Variants in ACSL3 observed in about 807,000 individuals in gnomAD.
The protein encoded by ACSL3 is acyl-CoA synthetase long chain family member 3.
A neutral mutation model predicts 84.7 loss-of-function variants in ACSL3; 34 were observed. The ratio of observed to expected loss-of-function variants is 0.40; its 90% CI spans 0.31 to 0.53. The LOEUF is 0.53. Ranked by LOEUF, ACSL3 falls within the 20% of genes least tolerant of loss-of-function variation. The probability of loss-of-function intolerance (pLI) is 0.48; values close to 1 mark genes in which losing one functional copy is unlikely to be tolerated. For missense variants in ACSL3, 680 were observed against 873.1 expected (o/e 0.78, Z 2.79); for synonymous variants, 315 against 299.4 (o/e 1.05, Z -0.54).
intron 16 of ACSL3, 118 bp from the exon 17 acceptor site, chr2:222,941,379 A>G (rs763357295): frequency 5.4e-5 from 40 of 738,722 alleles, no homozygotes; most frequent in Non-Finnish European, 7.9e-5. Context: ...TAGAAGTGAC[A>G]TTCATGGTTC....
intron 3 of ACSL3, among the ~76,000 whole-genome samples, chr2:222,906,078 G>A (rs1345360044): frequency 3.3e-5 from 5 of 152,126 alleles, no homozygotes; most frequent in Admixed American, 3.3e-4. Flanking sequence ...ATTTTAGATA[G>A]TATTTTGTAG....
rs1474146877 is a variant in ACSL3 at position 222,944,173 on chromosome 2, A to T, written c.*2519A>T. On this transcript the variant is annotated 3_prime_UTR_variant, in exon 17 of 17. Coordinates refer to ENST00000357430, the MANE Select transcript of ACSL3 (RefSeq NM_004457.5). ...CTTTCTAAATACTACTTTGCTTTTC[A>T]GTAGTGGATTTGATATTTATAATGT... The T allele has an allele frequency of 6.6e-6, 1 of 152,092 alleles. No individual in the cohort carries two copies. The highest frequency in any genetic ancestry group is 1.5e-5 in the Non-Finnish European group (1 of 67,966). The allele number at this position is 152,092 out of a possible 1,614,324, so 9.4% of individuals were successfully genotyped here.
chr2:222,908,923 A>G lies in ACSL3; in HGVS notation c.151A>G (p.Lys51Glu). 6.2e-7 allele frequency: 1 copy of G among 1,613,100 alleles called. No individual in the cohort carries two copies. Among genetic ancestry groups the G allele is most frequent in the Non-Finnish European group, 8.5e-7 (1 of 1,179,636 alleles). ...FYFFSESRQE[K>E]SNRIKAKPVN... The stretch of plus-strand genomic sequence containing the variant: ...TTTTTTCTCCGAGTCAAGACAAGAA[A>G]AATCAAACCGAATTAAAGCAAAGCC... Residue 51 changes from lysine to glutamate, a missense_variant, in exon 4 of 17, where the codon AAA (lysine) becomes GAA (glutamate). Physicochemically the swap from Lys to Glu is moderately conservative, Grantham distance 56. Around this residue, in one of 2 missense-constraint regions of ACSL3, gnomAD observed 333 missense variants for 347.5 expected, o/e 0.96. Coordinates refer to ENST00000357430, the MANE Select transcript of ACSL3 (RefSeq NM_004457.5).
rs774357924 is a variant in ACSL3, at chr2:222,927,091, C to A, written c.1367C>A (p.Ser456Tyr). The A allele has an allele frequency of 6.2e-7, 1 of 1,614,162 alleles. No individual in the cohort carries two copies. Among genetic ancestry groups the A allele is most frequent in the Non-Finnish European group, 8.5e-7 (1 of 1,180,022 alleles). The change falls in exon 12 of 17, where the codon TCT (serine) becomes TAT (tyrosine). Residue 456 changes from serine to tyrosine, a missense_variant. Around this residue, in one of 2 missense-constraint regions of ACSL3, gnomAD observed 347 missense variants for 525.7 expected, o/e 0.66. Coordinates refer to ENST00000357430, the MANE Select transcript of ACSL3 (RefSeq NM_004457.5). Reference sequence around the variant, plus strand: ...CTGTTGTGTGGTGGCGCTCCACTTTCTGCAACCACGCAGCGATTCATGAAC... The same window carrying A: ...CTGTTGTGTGGTGGCGCTCCACTTTATGCAACCACGCAGCGATTCATGAAC... Reference protein sequence around the residue: ...RLLLCGGAPLSATTQRFMNIC... With the variant: ...RLLLCGGAPLYATTQRFMNIC...
rs1696898559 is a variant in ACSL3, at chr2:222,927,036, C to T, written c.1312C>T (p.Arg438Ter). ...LCDSFVFRKV[R>*]SLLGGNIRLL... ...CTTTAGCTTTGTTTTCCGGAAAGTTCGAAGCTTGCTAGGGGGAAATATTCG... is the reference window on the plus strand; with the variant it reads ...CTTTAGCTTTGTTTTCCGGAAAGTTTGAAGCTTGCTAGGGGGAAATATTCG... Residue 438 changes from arginine (R) to a stop codon, truncating the protein, a stop_gained, in exon 12 of 17, where the codon CGA (arginine) becomes TGA (stop). Coordinates refer to ENST00000357430, the MANE Select transcript of ACSL3 (RefSeq NM_004457.5). LOFTEE classifies it high-confidence loss of function. The T allele has an allele frequency of 1.2e-6, 2 of 1,612,538 alleles. No individual in the cohort carries two copies. The highest frequency in any genetic ancestry group is 1.1e-5 in the South Asian group (1 of 90,936).
At chr2:222,903,814 C>T (rs144788569) in intron 3 of ACSL3, among the ~76,000 whole-genome samples, 1 of 152,256 alleles carries the variant, frequency 6.6e-6, no homozygotes, top group East Asian at 1.9e-4. Flanking sequence ...GCCAGCAGGG[C>T]TGCCCTCTAC....
rs778554898 is a variant in ACSL3, at chr2:222,922,775, T to A, written c.1024T>A (p.Cys342Ser). 6.2e-7 allele frequency: 1 copy of A among 1,614,232 alleles called. No individual in the cohort carries two copies. The highest frequency in any genetic ancestry group is 1.1e-5 in the South Asian group (1 of 91,088). The change falls in exon 9 of 17, where the codon TGT becomes AGT. Residue 342 changes from cysteine (C) to serine (S), a missense_variant. Cys to Ser is a moderately radical substitution (Grantham distance 112, BLOSUM62 -1). Coordinates refer to ENST00000357430, the MANE Select transcript of ACSL3 (RefSeq NM_004457.5). Reference sequence around the variant, plus strand: ...TCTAGAATTAAGTGCTGAGCTTGTCTGTCTTTCTCACGGATGCCGCATTGG... The same window carrying A: ...TCTAGAATTAAGTGCTGAGCTTGTCAGTCTTTCTCACGGATGCCGCATTGG... ...HVLELSAELV[C>S]LSHGCRIGYS...
chr2:222,871,899 A>G (rs1313386978), intron 1 of ACSL3, among the ~76,000 whole-genome samples: 1 of 152,030 alleles, frequency 6.6e-6, no homozygotes, highest in Non-Finnish European at 1.5e-5. Context: ...GAATGTTATT[A>G]TTATTATTTT....
At position 222,861,116 on chromosome 2, in the gene ACSL3, G is replaced by C. The variant is rs1277169357; in HGVS notation, c.-349G>C. The C allele has an allele frequency of 3.3e-5, 5 of 152,440 alleles. No individual in the cohort carries two copies. In the East Asian group the frequency reaches 9.7e-4, roughly 29 times the overall value. 9.4% of individuals were successfully genotyped at this position (152,440 alleles called of 1,614,324 possible). A position where few individuals can be genotyped will look rare whatever the true frequency, so the allele number is the denominator to read the frequency against. On this transcript the variant is annotated 5_prime_UTR_variant, in exon 1 of 17. Coordinates refer to ENST00000357430, the MANE Select transcript of ACSL3 (RefSeq NM_004457.5). ...GCCGGGACGAGGAGGCGTTGGACGG[G>C]GTCGCATACGTTCGTCCCCTCGCAT...
rs1383295300 is a variant in ACSL3 at position 222,908,760 on chromosome 2, T to C, written c.-13T>C. On this transcript the variant is annotated 5_prime_UTR_variant, in exon 4 of 17. Coordinates refer to ENST00000357430, the MANE Select transcript of ACSL3 (RefSeq NM_004457.5). ...TCTCGCTGAAGTCTGTTAATTCTAC[T>C]TTTTGAGTACTTATGAATAACCACG... is the stretch of plus-strand genomic sequence containing the variant. 5 of 1,566,216 alleles carry C rather than the reference T, an allele frequency of 3.2e-6. No homozygotes were observed. The highest frequency in any genetic ancestry group is 4.4e-5 in the Admixed American group (2 of 44,954).
chr2:222,905,134 T>C (rs6721226), intron 3 of ACSL3: 150,056 of 152,654 alleles, frequency 0.98, 73,768 homozygotes, highest in East Asian at 1. Flanking sequence ...CTCAGCCTCA[T>C]GATAAGCCAC....
intron 3 of ACSL3, among the ~76,000 whole-genome samples, chr2:222,905,248 C>T (rs1237306639): frequency 6.6e-6 from 1 of 152,192 alleles, no homozygotes; most frequent in East Asian, 1.9e-4. Flanking sequence ...CAGCCTCGAT[C>T]TCCCTAGGCT....
At chr2:222,874,472 C>G (rs1045116109) in intron 1 of ACSL3, among the ~76,000 whole-genome samples, 2 of 152,160 alleles carry the variant, frequency 1.3e-5, no homozygotes, top group African/African-American at 4.8e-5. Context: ...GGAAGGATCA[C>G]TTGCACCCAG....
At chr2:222,899,355 G>A (rs1312220475) in intron 2 of ACSL3, among the ~76,000 whole-genome samples, 4 of 152,128 alleles carry the variant, frequency 2.6e-5, no homozygotes, top group South Asian at 2.1e-4. Flanking sequence ...GGCGACTGTC[G>A]TCCCAGCTAC....
chr2:222,922,210 G>A (rs922447942), intron 8 of ACSL3, among the ~76,000 whole-genome samples: 4 of 152,018 alleles, frequency 2.6e-5, no homozygotes, highest in African/African-American at 7.3e-5. Flanking sequence ...AATTTATTAT[G>A]TAATCCAATT....
At chr2:222,880,110 G>T (rs1163489100) in intron 1 of ACSL3, among the ~76,000 whole-genome samples, 1 of 152,070 alleles carries the variant, frequency 6.6e-6, no homozygotes, top group East Asian at 1.9e-4. Flanking sequence ...AAAGTCCCAT[G>T]ACTATTTCTG....
intron 16 of ACSL3, 74 bp from the exon 17 acceptor site, chr2:222,941,423 A>G (rs1390594976): frequency 7.6e-7 from 1 of 1,316,490 alleles, no homozygotes. Flanking sequence ...GGATACGCAA[A>G]AAGTGGGGAA....
chr2:222,872,997 A>G (rs1363888663), intron 1 of ACSL3, among the ~76,000 whole-genome samples: 2 of 152,306 alleles, frequency 1.3e-5, no homozygotes, highest in Admixed American at 1.3e-4. Flanking sequence ...CTTAGAAGCA[A>G]TCCATTGAGA....
intron 1 of ACSL3, among the ~76,000 whole-genome samples, chr2:222,864,183 T>G (rs1437832058): frequency 6.6e-6 from 1 of 152,200 alleles, no homozygotes; most frequent in Non-Finnish European, 1.5e-5. Context: ...GAGCTGGGGC[T>G]TAACTGGTAG....
Sources: allele counts gnomAD v4.1 joint callset (sites outside exome capture counted in the v4.1 genomes callset), GRCh38; gene constraint gnomAD v4.1.1; regional missense constraint gnomAD v4.1.1; transcripts MANE v1.5; gene names NCBI Gene and HGNC (gene_info 2026-07-23, HGNC 2026-07-21).